Variants in SPATA17 observed in about 807,000 individuals in gnomAD.
SPATA17 encodes the protein spermatogenesis associated 17.
In SPATA17, 53 loss-of-function variants were observed where a neutral mutation model predicts 62.2. That is an observed-to-expected ratio of 0.85 (90% CI 0.68 to 1.07). The LOEUF (loss-of-function observed/expected upper bound fraction) is 1.07. Ranked by LOEUF, SPATA17 falls within the 50% of genes least tolerant of loss-of-function variation. SPATA17 has a pLI of 0.00. For synonymous variants in SPATA17, 146 were observed against 146.8 expected, an observed-to-expected ratio of 0.99 and a Z score of 0.04; for missense variants, 466 against 425.5, an observed-to-expected ratio of 1.10 and a Z score of -0.84.
chr1:217,698,202 G>A (rs1671505589), intron 5 of SPATA17, among the ~76,000 whole-genome samples: 1 of 152,140 alleles, frequency 6.6e-6, no homozygotes, highest in Non-Finnish European at 1.5e-5. Flanking sequence ...ATTTTGGGAG[G>A]CTGAGGCGGG....
At chr1:217,683,083 A>G (rs1214584865) in intron 4 of SPATA17, among the ~76,000 whole-genome samples, 175 bp from the exon 5 acceptor site, 1 of 151,970 alleles carries the variant, frequency 6.6e-6, no homozygotes, top group Non-Finnish European at 1.5e-5. Context: ...ATATTTCATA[A>G]AAAATTTATG....
intron 5 of SPATA17, among the ~76,000 whole-genome samples, chr1:217,738,486 C>T (rs1672561408): frequency 6.6e-6 from 1 of 152,220 alleles, no homozygotes; most frequent in South Asian, 2.1e-4. Flanking sequence ...GTGTACCAGC[C>T]ACTATTTTGA....
intron 8 of SPATA17, among the ~76,000 whole-genome samples, chr1:217,791,192 C>T (rs1468600435): frequency 6.6e-6 from 1 of 152,140 alleles, no homozygotes; most frequent in Non-Finnish European, 1.5e-5. Context: ...TCCAAACAAG[C>T]AGTAATAGGA....
chr1:217,856,489 C>T (rs1675787617), intron 9 of SPATA17, among the ~76,000 whole-genome samples: 1 of 152,192 alleles, frequency 6.6e-6, no homozygotes, highest in Non-Finnish European at 1.5e-5. Flanking sequence ...AAAGTTTTCA[C>T]ATGACCCCTG....
chr1:217,694,402 G>C (rs1291711576), intron 5 of SPATA17, among the ~76,000 whole-genome samples: 2 of 146,980 alleles, frequency 1.4e-5, no homozygotes, highest in East Asian at 3.9e-4. Context: ...ACGTGAGATG[G>C]GTTTCCTGAA....
chr1:217,852,246 A>AT (rs1558076796), intron 9 of SPATA17, among the ~76,000 whole-genome samples: 2 of 152,092 alleles, frequency 1.3e-5, no homozygotes, highest in Non-Finnish European at 2.9e-5. Flanking sequence ...TTCTATGTGA[A>AT]TTTTTTCTAA....
chr1:217,777,023 C>T (rs1319550441), intron 7 of SPATA17, among the ~76,000 whole-genome samples: 3 of 151,256 alleles, frequency 2.0e-5, no homozygotes, highest in Middle Eastern at 3.2e-3. Flanking sequence ...AAAGACTACC[C>T]GACGGTGTGG....
chr1:217,770,978 A>AATTTTTTTTTT (rs1553251071), intron 6 of SPATA17, among the ~76,000 whole-genome samples: 542 of 50,176 alleles, frequency 0.011, 59 homozygotes, highest in Middle Eastern at 0.02. Flanking sequence ...AACTCATTGC[A>AATTTTTTTTTT]TTTTTTTTTT....
chr1:217,827,788 A>C (rs879849842), intron 9 of SPATA17, among the ~76,000 whole-genome samples: 3 of 152,188 alleles, frequency 2.0e-5, no homozygotes, highest in Non-Finnish European at 2.9e-5. Flanking sequence ...AGGAACAGAA[A>C]ACCAAACACC....
intron 7 of SPATA17, among the ~76,000 whole-genome samples, chr1:217,781,023 T>A (rs967966933): frequency 2.0e-5 from 3 of 152,140 alleles, no homozygotes; most frequent in African/African-American, 7.2e-5. Context: ...CTTTAAAAAG[T>A]AAAATTCCAA....
intron 5 of SPATA17, among the ~76,000 whole-genome samples, chr1:217,736,907 T>C (rs1005696446): frequency 1.3e-5 from 2 of 152,204 alleles, no homozygotes; most frequent in Non-Finnish European, 2.9e-5. Context: ...TACCTGGTTA[T>C]GATCTTACGA....
At chr1:217,647,401 C>A (rs971088784) in intron 1 of SPATA17, among the ~76,000 whole-genome samples, 14 of 152,224 alleles carry the variant, frequency 9.2e-5, no homozygotes, top group Non-Finnish European at 2.1e-4. Context: ...CCTCAGGTAG[C>A]ACCTTTGGTA....
chr1:217,702,494 G>A (rs985240273), intron 5 of SPATA17, among the ~76,000 whole-genome samples: 8 of 152,044 alleles, frequency 5.3e-5, no homozygotes, highest in Non-Finnish European at 1.0e-4. Context: ...AAACAATAAA[G>A]CATAGAATAC....
intron 5 of SPATA17, among the ~76,000 whole-genome samples, chr1:217,730,296 C>G (rs547202486): frequency 1.3e-5 from 2 of 151,674 alleles, no homozygotes; most frequent in Non-Finnish European, 2.9e-5. Context: ...CGGCTCACTG[C>G]AACCTCTGTC....
chr1:217,695,118 T>A (rs1671426661), intron 5 of SPATA17, among the ~76,000 whole-genome samples: 1 of 103,172 alleles, frequency 9.7e-6, no homozygotes, highest in Non-Finnish European at 1.9e-5. Flanking sequence ...TCCGCATCAC[T>A]TTCAGGTACA....
intron 1 of SPATA17, among the ~76,000 whole-genome samples, chr1:217,640,032 C>T (rs1046269186): frequency 2.0e-5 from 3 of 150,776 alleles, no homozygotes; most frequent in African/African-American, 7.3e-5. Context: ...ACAGTCTTTC[C>T]CAACCTAAGA....
chr1:217,771,646 T>C (rs1673448785), intron 6 of SPATA17, among the ~76,000 whole-genome samples: 1 of 152,214 alleles, frequency 6.6e-6, no homozygotes, highest in Non-Finnish European at 1.5e-5. Context: ...TCTAAAATAC[T>C]GACACCTTGA....
rs1409900335 is a variant in SPATA17, at chr1:217,664,121, G to A, written c.241-4912G>A. 2.0e-5 allele frequency among the ~76,000 whole-genome samples: 3 copies of A among 152,142 alleles called. No homozygotes were observed. The East Asian group carries it at 5.8e-4, about 29-fold the overall frequency. The stretch of plus-strand genomic sequence containing the variant: ...TCAAAGTTGACAACGTCTGGAGCAT[G>A]TTTTGAGAATATAAGGCTAAACTGA... On this transcript the variant is annotated intron_variant, in intron 3 of 10. Transcript: ENST00000366933.
intron 8 of SPATA17, chr1:217,784,860 C>T (rs921279645): frequency 8.5e-5 from 13 of 152,278 alleles, no homozygotes; most frequent in African/African-American, 3.1e-4. Context: ...TTAAAGGCCT[C>T]TCTTTGTGCA....
Sources: gnomAD v4.1 joint callset for allele counts (sites outside exome capture counted in the v4.1 genomes callset) on GRCh38, gnomAD v4.1.1 for gene constraint, MANE v1.5 for transcripts, NCBI Gene and HGNC (gene_info 2026-07-23, HGNC 2026-07-21) for gene names.